Variants in DDX53 observed in about 807,000 individuals in gnomAD.
DDX53 encodes DEAD-box helicase 53, also known as DEAD box protein 53.
For synonymous variants in DDX53, 179 were observed against 170.8 expected, an observed-to-expected ratio of 1.05 and a Z score of -0.37; for missense variants, 481 against 485.1, an observed-to-expected ratio of 0.99 and a Z score of 0.08.
Position 23,002,048 on chromosome X carries a change from G to A in DDX53, c.*95G>A, listed in dbSNP as rs1331838042. On this transcript the variant is annotated 3_prime_UTR_variant, in exon 1 of 1. Transcript: ENST00000327968. Reference sequence around the variant, plus strand: ...AGTATTGGAAACATACTAGCCATTTGAAGACATAACTAATTCTTAAATAAT... The same window carrying A: ...AGTATTGGAAACATACTAGCCATTTAAAGACATAACTAATTCTTAAATAAT... 2.8e-6 allele frequency: 2 copies of A among 702,388 alleles called. No individual in the cohort carries two copies. Among genetic ancestry groups the A allele is most frequent in the Non-Finnish European group, 2.0e-6 (1 of 495,161 alleles). 57.9% of individuals were successfully genotyped at this position (702,388 alleles called of 1,213,427 possible). A position where few individuals can be genotyped will look rare whatever the true frequency, so the allele number is the denominator to read the frequency against.
chrX:23,001,771 A>T lies in DDX53; in HGVS notation c.1714A>T (p.Thr572Ser). Residue 572 changes from threonine to serine, a missense_variant, in exon 1 of 1, where the codon ACT (threonine) becomes TCT (serine). Coordinates refer to ENST00000327968, the MANE Select transcript of DDX53 (RefSeq NM_182699.4). Reference protein sequence around the residue: ...GKTGTSVTLITQRDSKMAGEL... With the variant: ...GKTGTSVTLISQRDSKMAGEL... ...GACTGGCACATCAGTTACCCTCATC[A>T]CTCAGAGAGATTCGAAAATGGCCGG... 1 of 1,211,383 alleles carries T rather than the reference A, an allele frequency of 8.3e-7. No homozygotes were observed. Among genetic ancestry groups the T allele is most frequent in the Non-Finnish European group, 1.1e-6 (1 of 895,369 alleles).
In DDX53 at chrX:23,000,439, G is replaced by A. The variant is rs1297804173; in HGVS notation, c.382G>A (p.Ala128Thr). ...SYNSESSVDN[A>T]ASQTPIGRNL... The stretch of plus-strand genomic sequence containing the variant: ...CAACTCAGAATCCAGTGTGGATAAT[G>A]CTGCATCCCAAACCCCTATTGGAAG... Residue 128 changes from alanine (A) to threonine (T), a missense_variant, in exon 1 of 1, where the codon GCT becomes ACT. Transcript: ENST00000327968. 1 of 1,210,131 alleles carries A rather than the reference G, an allele frequency of 8.3e-7. No individual in the cohort carries two copies. The highest frequency in any genetic ancestry group is 1.7e-5 in the African/African-American group (1 of 57,180).
At position 23,001,999 on chromosome X, in the gene DDX53, T is replaced by C. The variant is rs776935454; in HGVS notation, c.*46T>C. On this transcript the variant is annotated 3_prime_UTR_variant, in exon 1 of 1. Coordinates refer to ENST00000327968, the MANE Select transcript of DDX53 (RefSeq NM_182699.4). Reference sequence around the variant, plus strand: ...GAAGATTCCAGGCATGTTAAAGATATGCAGTATTGAATATATGTAAGGAAG... The same window carrying C: ...GAAGATTCCAGGCATGTTAAAGATACGCAGTATTGAATATATGTAAGGAAG... The C allele has an allele frequency of 2.9e-6, 3 of 1,029,846 alleles. No individual in the cohort carries two copies. Among genetic ancestry groups the C allele is most frequent in the Non-Finnish European group, 3.9e-6 (3 of 763,706 alleles). The allele number at this position is 1,029,846 out of a possible 1,213,427, so 84.9% of individuals were successfully genotyped here. A position where few individuals can be genotyped will look rare whatever the true frequency, so the allele number is the denominator to read the frequency against.
Position 23,000,093 on chromosome X carries a change from G to A in DDX53, c.36G>A (p.Glu12=). 6.1e-6 allele frequency: 7 copies of A among 1,155,392 alleles called. No individual in the cohort carries two copies. Among genetic ancestry groups the A allele is most frequent in the Non-Finnish European group, 8.1e-6 (7 of 869,154 alleles). Residue 12 remains glutamate, a synonymous_variant, in exon 1 of 1, where the codon GAG becomes GAA. Transcript: ENST00000327968. ...SHWAPEWKRA[E]ANPRDLGASW... ...GGGCCCCAGAGTGGAAGAGGGCGGA[G>A]GCTAATCCAAGAGACCTTGGGGCCA...
chrX:23,002,027 T>C lies in DDX53; in HGVS notation c.*74T>C. The C allele has an allele frequency of 1.2e-6, 1 of 863,929 alleles. No homozygotes were observed. The highest frequency in any genetic ancestry group is 1.6e-6 in the Non-Finnish European group (1 of 631,567). 71.2% of individuals were successfully genotyped at this position (863,929 alleles called of 1,213,427 possible). A position where few individuals can be genotyped will look rare whatever the true frequency, so the allele number is the denominator to read the frequency against. ...AGTATTGAATATATGTAAGGAAGTA[T>C]TGGAAACATACTAGCCATTTGAAGA... On this transcript the variant is annotated 3_prime_UTR_variant, in exon 1 of 1. Transcript: ENST00000327968.
In DDX53 at chrX:23,003,440, T is replaced by C. The variant is rs748916385; in HGVS notation, c.*1487T>C. On this transcript the variant is annotated 3_prime_UTR_variant, in exon 1 of 1. Coordinates refer to ENST00000327968, the MANE Select transcript of DDX53 (RefSeq NM_182699.4). ...TCTCTACTCATAAAATGGGACAGTT[T>C]TATTAATTTAGAGGTCTCTTTTACC... 12 of 123,144 alleles carry C rather than the reference T, an allele frequency of 9.7e-5. No homozygotes were observed. Among genetic ancestry groups the C allele is most frequent in the Non-Finnish European group, 1.7e-4 (9 of 53,268 alleles). 10.1% of individuals were successfully genotyped at this position (123,144 alleles called of 1,213,427 possible).
Position 22,999,993 on chromosome X carries a change from C to A in DDX53, c.-65C>A. The A allele has an allele frequency of 1.1e-6, 1 of 939,498 alleles. No homozygotes were observed. Among genetic ancestry groups the A allele is most frequent in the Non-Finnish European group, 1.4e-6 (1 of 730,122 alleles). 77.4% of individuals were successfully genotyped at this position (939,498 alleles called of 1,213,427 possible). ...GTGCAGAAGGTGACGGGAAACAGGCCGCAGACCTGAACTTCCAACCGTATG... is the reference window on the plus strand; with the variant it reads ...GTGCAGAAGGTGACGGGAAACAGGCAGCAGACCTGAACTTCCAACCGTATG... On this transcript the variant is annotated 5_prime_UTR_variant, in exon 1 of 1. Coordinates refer to ENST00000327968, the MANE Select transcript of DDX53 (RefSeq NM_182699.4).
chrX:23,000,160 C>T lies in DDX53; in HGVS notation c.103C>T (p.Pro35Ser), dbSNP rs1933784522. The change falls in exon 1 of 1, where the codon CCC becomes TCC. Residue 35 changes from proline (P) to serine (S), a missense_variant. Pro to Ser is a moderately conservative substitution (Grantham distance 74). Coordinates refer to ENST00000327968, the MANE Select transcript of DDX53 (RefSeq NM_182699.4). ...CAGCAGAGGCAGTGGCTGGAGTGGCCCCTTCGGCCATCAGGGACCGAGAGC... is the reference window on the plus strand; with the variant it reads ...CAGCAGAGGCAGTGGCTGGAGTGGCTCCTTCGGCCATCAGGGACCGAGAGC... ...RGSRGSGWSG[P>S]FGHQGPRAAG... 1 of 1,198,938 alleles carries T rather than the reference C, an allele frequency of 8.3e-7. No homozygotes were observed. Among genetic ancestry groups the T allele is most frequent in the Non-Finnish European group, 1.1e-6 (1 of 888,668 alleles).
In DDX53 at chrX:23,001,037, T is replaced by C. The variant is rs781493806; in HGVS notation, c.980T>C (p.Ile327Thr). Residue 327 changes from isoleucine (I) to threonine (T), a missense_variant, in exon 1 of 1, where the codon ATT becomes ACT. Ile to Thr is a moderately conservative substitution (Grantham distance 89, BLOSUM62 -1). Transcript: ENST00000327968. ...TATTCATATAAAGGTCTCAAAAGCA[T>C]TTGCATATATGGTGGTAGAAACAGA... is the stretch of plus-strand genomic sequence containing the variant. ...SKYSYKGLKS[I>T]CIYGGRNRNG... 8.3e-7 allele frequency: 1 copy of C among 1,204,646 alleles called. No homozygotes were observed. Among genetic ancestry groups the C allele is most frequent in the Non-Finnish European group, 1.1e-6 (1 of 892,856 alleles).
chrX:23,001,173 C>T lies in DDX53; in HGVS notation c.1116C>T (p.Tyr372=). The change falls in exon 1 of 1, where the codon TAC becomes TAT. Residue 372 remains tyrosine (Y), a synonymous_variant. Transcript: ENST00000327968. ...CTGTCAACCTAAGAAGCATAACCTA[C>T]TTGGTTATAGATGAGGCAGATAAAA... is the stretch of plus-strand genomic sequence containing the variant. ...NNSVNLRSIT[Y]LVIDEADKML... 1 of 1,209,748 alleles carries T rather than the reference C, an allele frequency of 8.3e-7. No homozygotes were observed. The highest frequency in any genetic ancestry group is 1.7e-5 in the African/African-American group (1 of 57,290).
Position 23,001,345 on chromosome X carries a change from G to A in DDX53, c.1288G>A (p.Val430Ile), listed in dbSNP as rs1020489160. ...SYLKDPMIVY[V>I]GNLNLVAVNT... is the part of the protein sequence containing the mutation. The stretch of plus-strand genomic sequence containing the variant: ...TTTGAAAGATCCTATGATTGTTTAT[G>A]TTGGTAATCTGAATCTAGTGGCTGT... Residue 430 changes from valine (V) to isoleucine (I), a missense_variant, in exon 1 of 1, where the codon GTT becomes ATT. Val to Ile is a conservative substitution (Grantham distance 29). Coordinates refer to ENST00000327968, the MANE Select transcript of DDX53 (RefSeq NM_182699.4). 6.6e-6 allele frequency: 8 copies of A among 1,209,849 alleles called. No homozygotes were observed. The African/African-American group carries it at 1.0e-4, about 16-fold the overall frequency.
chrX:23,002,454 T>C lies in DDX53; in HGVS notation c.*501T>C, dbSNP rs1184773317. The stretch of plus-strand genomic sequence containing the variant: ...AAGAAACACGTGTCATGGGGGTTTA[T>C]CAACTTTCAATATTGTGTATGCTCC... On this transcript the variant is annotated 3_prime_UTR_variant, in exon 1 of 1. Coordinates refer to ENST00000327968, the MANE Select transcript of DDX53 (RefSeq NM_182699.4). 1 of 123,047 alleles carries C rather than the reference T, an allele frequency of 8.1e-6. No homozygotes were observed. The highest frequency in any genetic ancestry group is 1.9e-5 in the Non-Finnish European group (1 of 52,891). 10.1% of individuals were successfully genotyped at this position (123,047 alleles called of 1,213,427 possible).
At position 23,000,041 on chromosome X, in the gene DDX53, A is replaced by G. The variant is rs1206703456; in HGVS notation, c.-17A>G. ...ATGTAGGCGAGAAGCCGGTGCCGATACTCCCACTATCCCACAATGTCCCAC... is the reference window on the plus strand; with the variant it reads ...ATGTAGGCGAGAAGCCGGTGCCGATGCTCCCACTATCCCACAATGTCCCAC... On this transcript the variant is annotated 5_prime_UTR_variant, in exon 1 of 1. In the 5' UTR this introduces an upstream ATG that the reference lacks. Transcript: ENST00000327968. 1.9e-6 allele frequency: 2 copies of G among 1,061,012 alleles called. No homozygotes were observed. Among genetic ancestry groups the G allele is most frequent in the Admixed American group, 8.0e-5 (2 of 24,847 alleles). 87.4% of individuals were successfully genotyped at this position (1,061,012 alleles called of 1,213,427 possible). A position where few individuals can be genotyped will look rare whatever the true frequency, so the allele number is the denominator to read the frequency against.
rs1933783740 is a variant in DDX53 at position 23,000,133 on chromosome X, G to C, written c.76G>C (p.Gly26Arg). ...RDLGASWDVR[G>R]SRGSGWSGPF... ...CCTTGGGGCCAGCTGGGATGTCAGG[G>C]GCAGCAGAGGCAGTGGCTGGAGTGG... Residue 26 changes from glycine (G) to arginine (R), a missense_variant, in exon 1 of 1, where the codon GGC (glycine) becomes CGC (arginine). Gly to Arg is a moderately radical substitution (Grantham distance 125). Transcript: ENST00000327968. The C allele has an allele frequency of 8.4e-7, 1 of 1,190,009 alleles. No homozygotes were observed.
chrX:23,001,926 A>G lies in DDX53; in HGVS notation c.1869A>G (p.Arg623=). ...CACGATCAAGAAAACCTGGACAAAG[A>G]CGCAAGGAGTTTTATTTTTTAAGTT... ...RETRSRKPGQ[R]RKEFYFLS The change falls in exon 1 of 1, where the codon AGA becomes AGG. Residue 623 remains arginine, a synonymous_variant. Coordinates refer to ENST00000327968, the MANE Select transcript of DDX53 (RefSeq NM_182699.4). 1 of 1,192,535 alleles carries G rather than the reference A, an allele frequency of 8.4e-7. No individual in the cohort carries two copies.
rs1162148653 is a variant in DDX53 at position 23,001,202 on chromosome X, T to G, written c.1145T>G (p.Leu382Arg). Reference sequence around the variant, plus strand: ...GTTATAGATGAGGCAGATAAAATGCTGGATATGGAATTTGAACCCCAGATA... The same window carrying G: ...GTTATAGATGAGGCAGATAAAATGCGGGATATGGAATTTGAACCCCAGATA... The part of the protein sequence containing the change: ...YLVIDEADKM[L>R]DMEFEPQIRK... The change falls in exon 1 of 1, where the codon CTG (leucine) becomes CGG (arginine). Residue 382 changes from leucine to arginine, a missense_variant. Leu to Arg is a moderately radical substitution (Grantham distance 102, BLOSUM62 -2). Coordinates refer to ENST00000327968, the MANE Select transcript of DDX53 (RefSeq NM_182699.4). 5.0e-6 allele frequency: 6 copies of G among 1,209,787 alleles called. No individual in the cohort carries two copies. Among genetic ancestry groups the G allele is most frequent in the Non-Finnish European group, 6.7e-6 (6 of 895,113 alleles).
rs1296498955 is a variant in DDX53 at position 23,000,520 on chromosome X, C to T, written c.463C>T (p.Arg155Cys). The stretch of plus-strand genomic sequence containing the variant: ...AGCTGAGCCATTGTCAAATTGGGAT[C>T]GCATTAGGGCAGCAGTCGTGGAGTG... ...GEAEPLSNWDRIRAAVVECEK... is the reference protein window; with the variant it reads ...GEAEPLSNWDCIRAAVVECEK... Residue 155 changes from arginine to cysteine, a missense_variant, in exon 1 of 1, where the codon CGC becomes TGC. Transcript: ENST00000327968. 8.3e-6 allele frequency: 10 copies of T among 1,211,258 alleles called. No individual in the cohort carries two copies. The highest frequency in any genetic ancestry group is 1.1e-5 in the Non-Finnish European group (10 of 895,364).
rs1422707003 is a variant in DDX53 at position 23,000,740 on chromosome X, A to G, written c.683A>G (p.Gln228Arg). The G allele has an allele frequency of 8.3e-7, 1 of 1,211,792 alleles. No homozygotes were observed. Among genetic ancestry groups the G allele is most frequent in the South Asian group, 1.8e-5 (1 of 56,841 alleles). ...ACTTGCAGGTTTAAAGACGCTTTTC[A>G]GCAATACCCTGATCTTCTGAAAAGC... ...KPTCRFKDAF[Q>R]QYPDLLKSII... Residue 228 changes from glutamine to arginine, a missense_variant, in exon 1 of 1, where the codon CAG becomes CGG. Physicochemically the swap from Gln to Arg is conservative, Grantham distance 43 (BLOSUM62 1). Coordinates refer to ENST00000327968, the MANE Select transcript of DDX53 (RefSeq NM_182699.4).
Position 23,000,051 on chromosome X carries a change from TC to T in DDX53, c.-4del, listed in dbSNP as rs748142250. ...GAAGCCGGTGCCGATACTCCCACTA[TC>T]CCACAATGTCCCACTGGGCCCCAGA... On this transcript the variant is annotated 5_prime_UTR_variant, in exon 1 of 1. Coordinates refer to ENST00000327968, the MANE Select transcript of DDX53 (RefSeq NM_182699.4). 4.5e-3 allele frequency: 4,883 copies of T among 1,083,514 alleles called. 12 individuals carry two copies. The highest frequency in any genetic ancestry group is 4.7e-3 in the Non-Finnish European group (3,882 of 834,819). 89.3% of individuals were successfully genotyped at this position (1,083,514 alleles called of 1,213,427 possible). A position where few individuals can be genotyped will look rare whatever the true frequency, so the allele number is the denominator to read the frequency against.
Sources: allele counts gnomAD v4.1 joint callset, GRCh38; gene constraint gnomAD v4.1.1; transcripts MANE v1.5; gene names NCBI Gene and HGNC (gene_info 2026-07-23, HGNC 2026-07-21).